ALMS1: variants seen among roughly 807,000 people sequenced by gnomAD.
ALMS1 encodes the protein ALMS1 centrosome and basal body associated protein, also known as centrosome-associated protein ALMS1.
ALMS1 carries 271 observed loss-of-function variants against 352.2 expected under a neutral mutation model. The ratio of observed to expected loss-of-function variants is 0.77; its 90% CI spans 0.70 to 0.85. The LOEUF (loss-of-function observed/expected upper bound fraction) is 0.85, where lower values mean the gene tolerates loss of function less well. ALMS1 is among the 40% of genes least tolerant of loss of function. The pLI is 0.00. For synonymous variants in ALMS1, 1,865 were observed against 1,761.2 expected (o/e 1.06, Z -1.48); for missense variants, 5,445 against 4,870.7 (o/e 1.12, Z -3.51).
intron 9 of ALMS1, among the ~76,000 whole-genome samples, chr2:73,473,688 G>A (rs1453798913): frequency 6.6e-6 from 1 of 150,754 alleles, no homozygotes; most frequent in Non-Finnish European, 1.5e-5. Context: ...TCGACAAAGA[G>A]AAATTATAAA....
At chr2:73,554,683 AG>A (rs1324040089) in intron 13 of ALMS1, among the ~76,000 whole-genome samples, 1 of 152,188 alleles carries the variant, frequency 6.6e-6, no homozygotes, top group East Asian at 1.9e-4. Flanking sequence ...ACTGCACTCC[AG>A]CCTGTCGTAT....
At position 73,601,480 on chromosome 2, in the gene ALMS1, A is replaced by G. The variant is rs140858796; in HGVS notation, c.12114+44A>G. 5.6e-3 allele frequency: 8,923 copies of G among 1,603,524 alleles called. 56 individuals carry two copies. Among genetic ancestry groups the G allele is most frequent in the Middle Eastern group, 0.015 (91 of 6,038 alleles). On this transcript the variant is annotated intron_variant, in intron 19 of 22. Coordinates refer to ENST00000613296, the MANE Select transcript of ALMS1 (RefSeq NM_001378454.1). ...AACTTTAATGCTACGTGTAGGGAGA[A>G]GAAGGGCAAGGCGCAGAGAAGCTGG...
At chr2:73,569,822 A>G (rs1301644401) in intron 15 of ALMS1, among the ~76,000 whole-genome samples, 2 of 152,238 alleles carry the variant, frequency 1.3e-5, no homozygotes, top group Non-Finnish European at 2.9e-5. Flanking sequence ...GAAGAGTGGT[A>G]CAAAATGAGG....
At chr2:73,412,351 A>G (rs1671096009) in intron 2 of ALMS1, among the ~76,000 whole-genome samples, 1 of 152,052 alleles carries the variant, frequency 6.6e-6, no homozygotes, top group Admixed American at 6.5e-5. Context: ...TTTGAATTTG[A>G]CTTCTTTCAC....
At chr2:73,413,397 T>C (rs1036366895) in intron 2 of ALMS1, among the ~76,000 whole-genome samples, 1 of 152,222 alleles carries the variant, frequency 6.6e-6, no homozygotes, top group African/African-American at 2.4e-5. Flanking sequence ...CCTATGTCAC[T>C]GAGATTTTTC....
intron 12 of ALMS1, among the ~76,000 whole-genome samples, chr2:73,538,937 C>T (rs890966508): frequency 5.9e-5 from 9 of 152,192 alleles, no homozygotes; most frequent in Non-Finnish European, 1.2e-4. Flanking sequence ...CTGCCTGCCT[C>T]TGTAGACTCC....
At chr2:73,595,778 A>T (rs1320000641) in intron 16 of ALMS1, among the ~76,000 whole-genome samples, 2 of 152,158 alleles carry the variant, frequency 1.3e-5, no homozygotes, top group Non-Finnish European at 2.9e-5. Context: ...CGGTTTCTCC[A>T]CTTCCTTGTC....
chr2:73,548,319 A>G (rs1167199063), intron 12 of ALMS1, among the ~76,000 whole-genome samples: 3 of 152,230 alleles, frequency 2.0e-5, no homozygotes, highest in Admixed American at 1.3e-4. Context: ...TGCCCCAAAC[A>G]TAAATCTATA....
chr2:73,585,951 G>A (rs1193165069), intron 16 of ALMS1, among the ~76,000 whole-genome samples: 2 of 151,870 alleles, frequency 1.3e-5, no homozygotes, highest in Non-Finnish European at 2.9e-5. Flanking sequence ...TTTTAGTAGT[G>A]GTTTCACCAT....
intron 9 of ALMS1, among the ~76,000 whole-genome samples, chr2:73,477,768 G>T (rs1672612733): frequency 6.6e-6 from 1 of 151,580 alleles, no homozygotes; most frequent in Non-Finnish European, 1.5e-5. Flanking sequence ...TTTATTTTTG[G>T]ATTGTGAATT....
chr2:73,429,998 A>G (rs750472758), intron 6 of ALMS1, among the ~76,000 whole-genome samples: 5 of 151,786 alleles, frequency 3.3e-5, no homozygotes, highest in Admixed American at 6.6e-5. Context: ...TCCATTTTCA[A>G]TTAGCAATGA....
intron 16 of ALMS1, among the ~76,000 whole-genome samples, chr2:73,584,640 A>C (rs1284812315): frequency 1.3e-5 from 2 of 151,992 alleles, no homozygotes; most frequent in Non-Finnish European, 2.9e-5. Flanking sequence ...TTCTTTCTTT[A>C]TTATTTCCAT....
chr2:73,548,761 G>T (rs778274234), intron 12 of ALMS1, among the ~76,000 whole-genome samples: 4 of 152,134 alleles, frequency 2.6e-5, no homozygotes, highest in Non-Finnish European at 5.9e-5. Flanking sequence ...CAGAAGAAAG[G>T]TACTCTTGGG....
intron 20 of ALMS1, among the ~76,000 whole-genome samples, chr2:73,602,816 A>AC (rs1038693393): frequency 6.6e-6 from 1 of 152,228 alleles, no homozygotes; most frequent in African/African-American, 2.4e-5. Flanking sequence ...AGAAAACTGA[A>AC]TCAAAGGGAG....
At chr2:73,543,388 T>C (rs1674236906) in intron 12 of ALMS1, among the ~76,000 whole-genome samples, 1 of 152,154 alleles carries the variant, frequency 6.6e-6, no homozygotes, top group Admixed American at 6.5e-5. Context: ...AAGACTTACA[T>C]GTTAGACCTA....
chr2:73,452,721 G>C lies in ALMS1; in HGVS notation c.6194G>C (p.Arg2065Thr). Residue 2065 changes from arginine (R) to threonine (T), a missense_variant, in exon 8 of 23, where the codon AGA becomes ACA. By Grantham distance (71) the Arg-to-Thr change is moderately conservative (BLOSUM62 -1). Coordinates refer to ENST00000613296, the MANE Select transcript of ALMS1 (RefSeq NM_001378454.1). ...TTATTTCAACAGCAGTTGCCAGATA[G>C]AGATCAAAGTAAAGGTATTCTAAAG... is the stretch of plus-strand genomic sequence containing the variant. Reference protein sequence around the residue: ...NILFQQQLPDRDQSKGILKIS... With the variant: ...NILFQQQLPDTDQSKGILKIS... 6.2e-7 allele frequency: 1 copy of C among 1,613,620 alleles called. No individual in the cohort carries two copies. Among genetic ancestry groups the C allele is most frequent in the Non-Finnish European group, 8.5e-7 (1 of 1,179,976 alleles).
chr2:73,495,279 G>A (rs773832951), intron 10 of ALMS1, among the ~76,000 whole-genome samples: 3 of 152,026 alleles, frequency 2.0e-5, no homozygotes, highest in Non-Finnish European at 4.4e-5. Context: ...CTGTCACCCA[G>A]GCTGGAGTGC....
At chr2:73,386,925 C>T (rs1670552126) in intron 1 of ALMS1, among the ~76,000 whole-genome samples, 1 of 152,142 alleles carries the variant, frequency 6.6e-6, no homozygotes, top group Non-Finnish European at 1.5e-5. Flanking sequence ...CTGCCCTGCT[C>T]AGTACAGTAG....
intron 10 of ALMS1, among the ~76,000 whole-genome samples, chr2:73,492,459 A>T (rs1299932364): frequency 6.6e-6 from 1 of 152,190 alleles, no homozygotes; most frequent in Non-Finnish European, 1.5e-5. Context: ...CAAGAGAAAG[A>T]GCATTCAAAT....
Sources: gnomAD v4.1 joint callset for allele counts (sites outside exome capture counted in the v4.1 genomes callset) on GRCh38, gnomAD v4.1.1 for gene constraint, MANE v1.5 for transcripts, NCBI Gene and HGNC (gene_info 2026-07-23, HGNC 2026-07-21) for gene names.